Variants in SPAG16 observed in about 807,000 individuals in gnomAD.
The protein encoded by SPAG16 is sperm-associated antigen 16 protein.
Under a neutral mutation model 80.4 loss-of-function variants are expected in SPAG16, and 86 were observed. The ratio of observed to expected loss-of-function variants is 1.07; its 90% confidence interval spans 0.90 to 1.28. The LOEUF (loss-of-function observed/expected upper bound fraction) is 1.28. Ranked by LOEUF, SPAG16 falls within the 50% of genes most tolerant of loss-of-function variation. The pLI is 0.00. For synonymous variants in SPAG16, 294 were observed against 265.9 expected (o/e 1.11, Z -1.03); for missense variants, 870 against 765.3 (o/e 1.14, Z -1.61).
chr2:214,249,713 A>T (rs1270196079), intron 15 of SPAG16, among the ~76,000 whole-genome samples: 1 of 150,940 alleles, frequency 6.6e-6, no homozygotes, highest in Non-Finnish European at 1.5e-5. Flanking sequence ...CATGGTGGAT[A>T]TAACAGTATT....
At chr2:213,962,315 C>G (rs1000808881) in intron 12 of SPAG16, among the ~76,000 whole-genome samples, 1 of 142,024 alleles carries the variant, frequency 7.0e-6, no homozygotes, top group Non-Finnish European at 1.6e-5. Context: ...GCCTCAGCCT[C>G]CTGAGTAGCT....
At chr2:213,645,248 C>T (rs1307784207) in intron 10 of SPAG16, among the ~76,000 whole-genome samples, 1 of 152,096 alleles carries the variant, frequency 6.6e-6, no homozygotes, top group Non-Finnish European at 1.5e-5. Flanking sequence ...GCTTTTAGGG[C>T]AGTGGGCTCC....
At chr2:213,312,480 C>A (rs1240435714) in intron 4 of SPAG16, among the ~76,000 whole-genome samples, 8 of 151,578 alleles carry the variant, frequency 5.3e-5, no homozygotes, top group Non-Finnish European at 1.2e-4. Context: ...AACTACTCAC[C>A]CTAAAGATAC....
intron 10 of SPAG16, among the ~76,000 whole-genome samples, chr2:213,497,122 T>G (rs1039502): frequency 0.014 from 2,205 of 152,150 alleles, 23 homozygotes; most frequent in South Asian, 0.036. Flanking sequence ...AAAGATACAG[T>G]CTGCTAGTTT....
At chr2:214,040,007 G>GGT (rs2048921906) in intron 13 of SPAG16, among the ~76,000 whole-genome samples, 1 of 152,142 alleles carries the variant, frequency 6.6e-6, no homozygotes, top group African/African-American at 2.4e-5. Flanking sequence ...TTTCTGGTGG[G>GGT]GCCACAGGAG....
intron 10 of SPAG16, among the ~76,000 whole-genome samples, chr2:213,554,495 A>T (rs1220632044): frequency 6.6e-6 from 1 of 152,190 alleles, no homozygotes; most frequent in Non-Finnish European, 1.5e-5. Flanking sequence ...TGAAAAGAAC[A>T]CCATGATCAC....
chr2:213,464,380 A>G (rs1284656823), intron 9 of SPAG16, among the ~76,000 whole-genome samples: 1 of 152,220 alleles, frequency 6.6e-6, no homozygotes, highest in African/African-American at 2.4e-5. Flanking sequence ...TCCAAGCACC[A>G]TGAAGATGGT....
rs181541774 is a variant in SPAG16, at chr2:213,442,881, C to T, written c.943-47082C>T. Among the ~76,000 whole-genome samples the T allele has an allele frequency of 4.1e-3, 626 of 151,884 alleles. 2 individuals carry two copies. Among genetic ancestry groups the T allele is most frequent in the Non-Finnish European group, 5.1e-3 (345 of 67,934 alleles). ...TAGCACCAAAGACAGGATCCATGAA[C>T]GAAAGAATCGATAATTAATTTTAAT... On this transcript the variant is annotated intron_variant, in intron 9 of 15. Transcript: ENST00000331683.
intron 10 of SPAG16, among the ~76,000 whole-genome samples, chr2:213,700,126 G>A (rs745607870): frequency 6.6e-6 from 1 of 151,744 alleles, no homozygotes; most frequent in Non-Finnish European, 1.5e-5. Flanking sequence ...ATACATCAAT[G>A]TCTATATCTC....
chr2:213,615,654 G>A (rs1574502319), intron 10 of SPAG16, among the ~76,000 whole-genome samples: 2 of 152,074 alleles, frequency 1.3e-5, no homozygotes, highest in Non-Finnish European at 2.9e-5. Flanking sequence ...GTGTAGACAT[G>A]ACAATGTATT....
chr2:213,322,962 T>C (rs72937040), intron 5 of SPAG16, among the ~76,000 whole-genome samples: 35,196 of 152,086 alleles, frequency 0.23, 4,690 homozygotes, highest in Non-Finnish European at 0.31. Context: ...GGGTTAGTGG[T>C]AGAGGCCTTT....
intron 10 of SPAG16, among the ~76,000 whole-genome samples, chr2:213,602,371 C>T (rs1032052066): frequency 3.3e-5 from 5 of 152,206 alleles, no homozygotes; most frequent in African/African-American, 4.8e-5. Flanking sequence ...GTGGGGCTCT[C>T]GCCTGTAATC....
At chr2:214,000,561 T>C (rs1237303171) in intron 12 of SPAG16, among the ~76,000 whole-genome samples, 2 of 152,232 alleles carry the variant, frequency 1.3e-5, no homozygotes, top group African/African-American at 4.8e-5. Context: ...GGGCTAGCTA[T>C]GTACAACTGT....
At chr2:214,163,716 T>C (rs370911986) in intron 15 of SPAG16, among the ~76,000 whole-genome samples, 7 of 151,924 alleles carry the variant, frequency 4.6e-5, no homozygotes, top group East Asian at 1.9e-4. Context: ...GGGCTGGCAA[T>C]TGTGAATTCA....
intron 11 of SPAG16, among the ~76,000 whole-genome samples, chr2:213,867,601 T>A (rs1163421625): frequency 1.3e-5 from 2 of 152,122 alleles, no homozygotes; most frequent in Admixed American, 6.5e-5. Flanking sequence ...TCATCATATT[T>A]TTCATTGATA....
intron 13 of SPAG16, among the ~76,000 whole-genome samples, chr2:214,086,128 C>G (rs925610805): frequency 6.6e-6 from 1 of 152,174 alleles, no homozygotes; most frequent in African/African-American, 2.4e-5. Flanking sequence ...CATCACACCA[C>G]TTATTCTCAT....
chr2:213,480,660 T>G (rs2073702013), intron 9 of SPAG16, among the ~76,000 whole-genome samples: 1 of 152,212 alleles, frequency 6.6e-6, no homozygotes, highest in Non-Finnish European at 1.5e-5. Context: ...TGATCACTTG[T>G]GTCATCATAT....
chr2:213,567,576 G>A (rs2059818974), intron 10 of SPAG16, among the ~76,000 whole-genome samples: 1 of 100,178 alleles, frequency 1.0e-5, no homozygotes, highest in Non-Finnish European at 1.9e-5. Flanking sequence ...CATTTTTTAT[G>A]GCTGCATAGT....
chr2:213,476,481 T>C (rs910053887), intron 9 of SPAG16, among the ~76,000 whole-genome samples: 2 of 152,194 alleles, frequency 1.3e-5, no homozygotes, highest in Non-Finnish European at 2.9e-5. Context: ...CTGAATCTTA[T>C]AGACCAGCAG....
Sources: allele counts gnomAD v4.1 joint callset (sites outside exome capture counted in the v4.1 genomes callset), GRCh38; gene constraint gnomAD v4.1.1; transcripts MANE v1.5; gene names NCBI Gene and HGNC (gene_info 2026-07-23, HGNC 2026-07-21).